Variants in LRIG1 observed in about 807,000 individuals in gnomAD.
LRIG1 encodes the protein leucine rich repeats and immunoglobulin like domains 1, also known as leucine-rich repeats and immunoglobulin-like domains protein 1.
In LRIG1, 48 loss-of-function variants were observed where a neutral mutation model predicts 99.2. The ratio of observed to expected loss-of-function variants is 0.48; its 90% CI spans 0.38 to 0.62. The LOEUF is 0.62. Among genes scored for constraint, LRIG1 ranks in the 20% least tolerant of loss-of-function variants. The probability of loss-of-function intolerance (pLI) is 0.00; values close to 1 mark genes in which losing one functional copy is unlikely to be tolerated. For synonymous variants in LRIG1, 772 were observed against 596.1 expected (o/e 1.29, Z -4.30); for missense variants, 1,646 against 1,434.4 (o/e 1.15, Z -2.38).
Position 66,410,189 on chromosome 3 carries a change from T to C in LRIG1, c.875A>G (p.Asn292Ser), listed in dbSNP as rs762503820. 4 of 1,614,084 alleles carry C rather than the reference T, an allele frequency of 2.5e-6. No homozygotes were observed. In the African/African-American group the frequency reaches 5.3e-5, roughly 22 times the overall value. ...LTALHQLHLS[N>S]NSIARIHRKG... ...GCGGTGAATGCGAGCGATGGAATTG[T>C]TGCTGAGGTGGAGCTGATGCAGGGC... Residue 292 changes from asparagine to serine, a missense_variant, in exon 7 of 19, where the codon AAC becomes AGC. Transcript: ENST00000273261.
intron 3 of LRIG1, among the ~76,000 whole-genome samples, chr3:66,444,022 G>A (rs1703633442): frequency 6.6e-6 from 1 of 152,204 alleles, no homozygotes; most frequent in Non-Finnish European, 1.5e-5. Context: ...TGGAAAAAGA[G>A]GTGGCATTCA....
At chr3:66,462,341 T>C (rs771785785) in intron 2 of LRIG1, 97 bp downstream of exon 2, 7 of 837,658 alleles carry the variant, frequency 8.4e-6, no homozygotes, top group Non-Finnish European at 1.4e-5. Flanking sequence ...AAGTTTACAC[T>C]GCGGATCTAG....
intron 2 of LRIG1, among the ~76,000 whole-genome samples, chr3:66,453,978 C>A (rs1703989544): frequency 6.6e-6 from 1 of 152,194 alleles, no homozygotes; most frequent in African/African-American, 2.4e-5. Context: ...TGTGACAGAA[C>A]TGCTGGAAGT....
At chr3:66,427,184 T>C (rs981590505) in intron 3 of LRIG1, among the ~76,000 whole-genome samples, 41 of 152,348 alleles carry the variant, frequency 2.7e-4, no homozygotes, top group African/African-American at 9.4e-4. Context: ...GGTGCTGCAC[T>C]GGAATTCTTA....
intron 1 of LRIG1, among the ~76,000 whole-genome samples, chr3:66,476,507 C>G (rs1254636634): frequency 2.0e-5 from 3 of 152,170 alleles, no homozygotes; most frequent in Non-Finnish European, 4.4e-5. Context: ...AAACCAGGTT[C>G]ACAAATGGAT....
intron 1 of LRIG1, among the ~76,000 whole-genome samples, chr3:66,486,452 G>T (rs182947197): frequency 6.6e-6 from 1 of 152,254 alleles, no homozygotes; most frequent in Admixed American, 6.5e-5. Flanking sequence ...GCAGGACTCT[G>T]AGAAGACAAG....
At chr3:66,420,800 G>C (rs11914912) in intron 3 of LRIG1, among the ~76,000 whole-genome samples, 1 of 152,146 alleles carries the variant, frequency 6.6e-6, no homozygotes, top group African/African-American at 2.4e-5. Context: ...GCAGAAGGAA[G>C]ATCTGTTGTT....
chr3:66,408,913 A>AGTGTGTGTGTGTGTGTGTGTGT lies in LRIG1; in HGVS notation c.935+1194_935+1215dup, dbSNP rs55651719. 5.2e-4 allele frequency among the ~76,000 whole-genome samples: 18 copies of AGTGTGTGTGTGTGTGTGTGTGT among 34,914 alleles called. 1 individual carries two copies. In the East Asian group the frequency reaches 8.6e-3, roughly 17 times the overall value. 22.9% of individuals were successfully genotyped at this position (34,914 alleles called of 152,430 possible). ...GTCACCAAAATATAAACTCCAAGTCAGTGTGTGTGTGTGTGTGTGTGTGTG... is the reference window on the plus strand; with the variant it reads ...GTCACCAAAATATAAACTCCAAGTCAGTGTGTGTGTGTGTGTGTGTGTGTGTGTGTGTGTGTGTGTGTGTGTG... On this transcript the variant is annotated intron_variant, in intron 7 of 18. Transcript: ENST00000273261.
intron 12 of LRIG1, among the ~76,000 whole-genome samples, chr3:66,388,746 T>TA (rs912765557): frequency 6.6e-5 from 10 of 152,178 alleles, no homozygotes; most frequent in African/African-American, 2.4e-4. Flanking sequence ...TTCTATGTAT[T>TA]AAAAAACCTA....
intron 1 of LRIG1, among the ~76,000 whole-genome samples, chr3:66,470,729 C>T (rs974671657): frequency 7.9e-5 from 12 of 152,122 alleles, no homozygotes; most frequent in Admixed American, 3.3e-4. Context: ...ACTAGATAAT[C>T]AAGAGGCCCA....
intron 3 of LRIG1, among the ~76,000 whole-genome samples, chr3:66,446,403 CTT>C (rs1178928806): frequency 7.7e-5 from 10 of 129,152 alleles, no homozygotes; most frequent in Admixed American, 1.6e-4. Flanking sequence ...GCCCACCCGC[CTT>C]TTTTTTTTTT....
intron 9 of LRIG1, among the ~76,000 whole-genome samples, chr3:66,399,858 G>T (rs1388433952): frequency 6.6e-6 from 1 of 152,224 alleles, no homozygotes; most frequent in Non-Finnish European, 1.5e-5. Flanking sequence ...GCAAGAAGAG[G>T]ACAGTAAAAT....
At chr3:66,422,857 G>C (rs1369401949) in intron 3 of LRIG1, among the ~76,000 whole-genome samples, 1 of 152,238 alleles carries the variant, frequency 6.6e-6, no homozygotes, top group Non-Finnish European at 1.5e-5. Flanking sequence ...TGGCTGGAGA[G>C]GCCTCACAAT....
At chr3:66,443,116 C>T (rs1031201126) in intron 3 of LRIG1, among the ~76,000 whole-genome samples, 11 of 152,108 alleles carry the variant, frequency 7.2e-5, no homozygotes, top group African/African-American at 2.7e-4. Flanking sequence ...ACTACGGAAT[C>T]CCTGGGAAGT....
chr3:66,381,731 T>C, intron 16 of LRIG1, 100 bp from the exon 17 acceptor site: 1 of 1,378,996 alleles, frequency 7.3e-7, no homozygotes, highest in East Asian at 2.3e-5. Context: ...GTCATTTTTT[T>C]TAAAAAGTTC....
At chr3:66,387,130 T>C (rs893901628) in intron 12 of LRIG1, 2 of 149,948 alleles carry the variant, frequency 1.3e-5, no homozygotes, top group African/African-American at 4.9e-5. Context: ...CAACAATCAG[T>C]AGCCACTGTT....
At chr3:66,442,036 A>G (rs191443112) in intron 3 of LRIG1, among the ~76,000 whole-genome samples, 37 of 152,200 alleles carry the variant, frequency 2.4e-4, no homozygotes, top group African/African-American at 8.4e-4. Flanking sequence ...GACGGTCACT[A>G]TTTTTTCTTC....
intron 7 of LRIG1, among the ~76,000 whole-genome samples, chr3:66,408,162 T>C (rs1291716417): frequency 6.6e-6 from 1 of 152,176 alleles, no homozygotes; most frequent in Non-Finnish European, 1.5e-5. Flanking sequence ...GTTGCTTACG[T>C]GACATATTGG....
chr3:66,494,842 T>C (rs939042348), intron 1 of LRIG1, among the ~76,000 whole-genome samples: 9 of 152,218 alleles, frequency 5.9e-5, no homozygotes, highest in Non-Finnish European at 8.8e-5. Context: ...TTAATAAGAA[T>C]GGTCATGTAT....
Sources: gnomAD v4.1 joint callset for allele counts (sites outside exome capture counted in the v4.1 genomes callset) on GRCh38, gnomAD v4.1.1 for gene constraint, MANE v1.5 for transcripts, NCBI Gene and HGNC (gene_info 2026-07-23, HGNC 2026-07-21) for gene names.